SUN3: variants seen among roughly 807,000 people sequenced by gnomAD.
The protein encoded by SUN3 is SUN domain-containing protein 3.
In SUN3, 36 loss-of-function variants were observed where a neutral mutation model predicts 48.2. That is an observed-to-expected ratio of 0.75 (90% CI 0.57 to 0.99). SUN3 has a LOEUF of 0.99. Among genes scored for constraint, SUN3 ranks in the 50% least tolerant of loss-of-function variants. SUN3 has a pLI of 0.00. For synonymous variants in SUN3, 148 were observed against 147.9 expected (o/e 1.00, Z 0.00); for missense variants, 419 against 433.1 (o/e 0.97, Z 0.29).
At chr7:47,993,847 T>G (rs1200538996) in intron 8 of SUN3, among the ~76,000 whole-genome samples, 1 of 152,060 alleles carries the variant, frequency 6.6e-6, no homozygotes, top group East Asian at 1.9e-4. Flanking sequence ...CCTGTTTTGT[T>G]TTTTAAATTA....
intron 6 of SUN3, among the ~76,000 whole-genome samples, chr7:48,003,499 G>A (rs1370962283): frequency 1.3e-5 from 2 of 152,226 alleles, no homozygotes; most frequent in African/African-American, 4.8e-5. Context: ...ACTTTAGGCA[G>A]TATGGGCATT....
chr7:47,991,675 G>T (rs563840142), intron 8 of SUN3, among the ~76,000 whole-genome samples: 1 of 152,084 alleles, frequency 6.6e-6, no homozygotes, highest in African/African-American at 2.4e-5. Flanking sequence ...GCCAAATGGC[G>T]CCTGGAGAGA....
chr7:48,033,244 T>C (rs1022083275), upstream of SUN3, among the ~76,000 whole-genome samples: 2 of 152,224 alleles, frequency 1.3e-5, no homozygotes, highest in African/African-American at 4.8e-5. Flanking sequence ...TTGCAAATAT[T>C]TGTAATTTCA....
upstream of SUN3, among the ~76,000 whole-genome samples, chr7:48,029,769 G>A (rs1374121698): frequency 6.6e-6 from 1 of 152,114 alleles, no homozygotes; most frequent in East Asian, 1.9e-4. Flanking sequence ...TTTATTTGGG[G>A]CATAAATTCT....
chr7:48,006,466 C>T (rs1470048912), intron 5 of SUN3, among the ~76,000 whole-genome samples: 3 of 152,176 alleles, frequency 2.0e-5, no homozygotes, highest in Non-Finnish European at 2.9e-5. Context: ...AGGCAGTTTA[C>T]ACAGACTACA....
intron 2 of SUN3, among the ~76,000 whole-genome samples, chr7:48,023,986 T>C (rs1315146327): frequency 6.6e-6 from 1 of 152,184 alleles, no homozygotes; most frequent in Non-Finnish European, 1.5e-5. Flanking sequence ...AAGATTCCTA[T>C]AGGGAAAGAG....
chr7:48,002,151 CTTTTTTTTTTTTTTTT>C lies in SUN3; in HGVS notation c.577+3802_577+3817del, dbSNP rs71006541. 1.0e-3 allele frequency among the ~76,000 whole-genome samples: 65 copies of C among 64,156 alleles called. 3 individuals are homozygous for C. In the Middle Eastern group the frequency reaches 0.057, roughly 56 times the overall value. 42.1% of individuals were successfully genotyped at this position (64,156 alleles called of 152,430 possible). A position where few individuals can be genotyped will look rare whatever the true frequency, so the allele number is the denominator to read the frequency against. On this transcript the variant is annotated intron_variant, in intron 6 of 9. Transcript: ENST00000297325. ...CATTGTGGTTTTGATTTGCATTTCTCTTTTTTTTTTTTTTTTTTTTTTTTTTGAGACGGAGTCTCGC... is the reference window on the plus strand; with the variant it reads ...CATTGTGGTTTTGATTTGCATTTCTCTTTTTTTTTTGAGACGGAGTCTCGC...
chr7:48,005,866 C>A (rs755662044), intron 6 of SUN3, 103 bp downstream of exon 6: 55 of 521,722 alleles, frequency 1.1e-4, no homozygotes, highest in Non-Finnish European at 1.5e-4. Context: ...CCCCAAGTTA[C>A]CAGATAAATA....
chr7:47,994,347 T>C lies in SUN3; in HGVS notation c.829A>G (p.Ile277Val), dbSNP rs368580888. The C allele has an allele frequency of 3.1e-6, 5 of 1,613,666 alleles. No homozygotes were observed. The South Asian group carries it at 5.5e-5, about 18-fold the overall frequency. Reference sequence around the variant, plus strand: ...GAAAATTCCTTGGGTGCACTGGAGATGTTTCCTGACGGAGACACCTTCTCT... The same window carrying C: ...GAAAATTCCTTGGGTGCACTGGAGACGTTTCCTGACGGAGACACCTTCTCT... ...ISEKVSPSGN[I>V]SSAPKEFSVY... Residue 277 changes from isoleucine (I) to valine (V), a missense_variant, in exon 8 of 10, where the codon ATC becomes GTC. Ile to Val is a conservative substitution (Grantham distance 29). Transcript: ENST00000297325.
rs140470712 is a variant in SUN3 at position 48,013,622 on chromosome 7, T to A, written c.288+3640A>T. Reference sequence around the variant, plus strand: ...GACAATCCAATTGTTTAGAAATAAGTATTCATTGAAAATATTATTCATTGG... The same window carrying A: ...GACAATCCAATTGTTTAGAAATAAGAATTCATTGAAAATATTATTCATTGG... On this transcript the variant is annotated intron_variant, in intron 3 of 9. Transcript: ENST00000297325. Among the ~76,000 whole-genome samples, 34 of 152,358 alleles carry A rather than the reference T, an allele frequency of 2.2e-4. 1 individual carries two copies. The highest frequency in any genetic ancestry group is 2.2e-3 in the Admixed American group (33 of 15,310).
At position 48,001,522 on chromosome 7, in the gene SUN3, G is replaced by GTTTTT. The variant is rs1286421253; in HGVS notation, c.577+4442_577+4446dup. ...TTTAGGTTGGTTCCATGTCTTTTCT[G>GTTTTT]TTTTTTTTGTTTTTTTTTTTTTTTT... On this transcript the variant is annotated intron_variant, in intron 6 of 9. Coordinates refer to ENST00000297325, the MANE Select transcript of SUN3 (RefSeq NM_001030019.2). Among the ~76,000 whole-genome samples, 445 of 121,840 alleles carry GTTTTT rather than the reference G, an allele frequency of 3.7e-3. 53 individuals carry two copies. The highest frequency in any genetic ancestry group is 6.0e-3 in the Middle Eastern group (1 of 168). 79.9% of individuals were successfully genotyped at this position (121,840 alleles called of 152,430 possible). A position where few individuals can be genotyped will look rare whatever the true frequency, so the allele number is the denominator to read the frequency against.
At chr7:48,011,851 G>A (rs1045864609) in intron 3 of SUN3, among the ~76,000 whole-genome samples, 5 of 152,184 alleles carry the variant, frequency 3.3e-5, no homozygotes, top group African/African-American at 7.2e-5. Context: ...AAGATAATGC[G>A]AGAAGGATGA....
chr7:48,003,064 G>A (rs1173448268), intron 6 of SUN3, among the ~76,000 whole-genome samples: 1 of 151,748 alleles, frequency 6.6e-6, no homozygotes, highest in Non-Finnish European at 1.5e-5. Context: ...TTACATTTAA[G>A]TCTATATTCC....
Position 48,009,083 on chromosome 7 carries a change from C to G in SUN3, c.289-8G>C, listed in dbSNP as rs200081049. 7.5e-6 allele frequency: 12 copies of G among 1,608,866 alleles called. No individual in the cohort carries two copies. Among genetic ancestry groups the G allele is most frequent in the Non-Finnish European group, 1.0e-5 (12 of 1,178,194 alleles). The stretch of plus-strand genomic sequence containing the variant: ...AGGCATACGAAGTCTGGCCTGAAAA[C>G]AACAGAAAAAGATAAATCATTCTGA... On this transcript the variant is annotated splice_region_variant and splice_polypyrimidine_tract_variant and intron_variant, in intron 3 of 9. Transcript: ENST00000297325.
chr7:48,007,087 TACTC>T (rs1454660206), intron 5 of SUN3, 74 bp downstream of exon 5: 1 of 1,415,636 alleles, frequency 7.1e-7, no homozygotes, highest in Non-Finnish European at 9.6e-7. Flanking sequence ...CGGAAGGACA[TACTC>T]ACTCCCCGTC....
chr7:47,989,097 G>A, intron 8 of SUN3: 1 of 382,458 alleles, frequency 2.6e-6, no homozygotes, highest in East Asian at 3.8e-5. Flanking sequence ...AAGATGGATG[G>A]ACACACAGAC....
chr7:48,033,397 A>T (rs1790277014), upstream of SUN3, among the ~76,000 whole-genome samples: 1 of 44,274 alleles, frequency 2.3e-5, no homozygotes, highest in Non-Finnish European at 4.3e-5. Flanking sequence ...CATTGTCTCT[A>T]AAAAAAATTT....
intron 8 of SUN3, among the ~76,000 whole-genome samples, chr7:47,991,911 G>A (rs954813168): frequency 5.9e-5 from 9 of 152,094 alleles, no homozygotes; most frequent in Non-Finnish European, 1.2e-4. Context: ...CCAGCAGAGG[G>A]CTCTCTTCTT....
intron 3 of SUN3, among the ~76,000 whole-genome samples, chr7:48,012,014 A>G (rs1315619439): frequency 6.6e-6 from 1 of 152,194 alleles, no homozygotes; most frequent in East Asian, 1.9e-4. Context: ...AGAAAATCAA[A>G]AGTGTTATAA....
Sources: gnomAD v4.1 joint callset for allele counts (sites outside exome capture counted in the v4.1 genomes callset) on GRCh38, gnomAD v4.1.1 for gene constraint, MANE v1.5 for transcripts, NCBI Gene and HGNC (gene_info 2026-07-23, HGNC 2026-07-21) for gene names.